Variants in CNTN4 observed in about 807,000 individuals in gnomAD.
CNTN4 encodes the protein contactin 4.
In CNTN4, 77 loss-of-function variants were observed where a neutral mutation model predicts 122.5. The observed-to-expected ratio is 0.63, with a 90% CI of 0.52 to 0.76. The LOEUF (loss-of-function observed/expected upper bound fraction) is 0.76. Among genes scored for constraint, CNTN4 ranks in the 30% least tolerant of loss-of-function variants. The pLI, the probability that CNTN4 is intolerant of heterozygous loss-of-function variation, is 0.00. For missense variants in CNTN4, 1,256 were observed against 1,259.1 expected (o/e 1.00, Z 0.04); for synonymous variants, 512 against 447.0 (o/e 1.15, Z -1.83).
intron 3 of CNTN4, among the ~76,000 whole-genome samples, chr3:2,551,510 G>T (rs1322460877): frequency 6.6e-6 from 1 of 152,034 alleles, no homozygotes; most frequent in Non-Finnish European, 1.5e-5. Flanking sequence ...CCTAAATTAT[G>T]TTAGGATGGG....
intron 3 of CNTN4, among the ~76,000 whole-genome samples, chr3:2,409,983 T>G (rs1454520713): frequency 6.6e-6 from 1 of 152,204 alleles, no homozygotes. Context: ...ACTGGGTCAT[T>G]ATAAAAATTT....
chr3:2,577,972 C>CA (rs1287185176), intron 4 of CNTN4, among the ~76,000 whole-genome samples: 1 of 152,074 alleles, frequency 6.6e-6, no homozygotes, highest in Non-Finnish European at 1.5e-5. Flanking sequence ...GATTTGCTCA[C>CA]AAAATCTATG....
At chr3:2,860,236 C>T (rs1276212069) in intron 7 of CNTN4, among the ~76,000 whole-genome samples, 2 of 152,136 alleles carry the variant, frequency 1.3e-5, no homozygotes, top group African/African-American at 2.4e-5. Context: ...CTTTATGTGC[C>T]AACACAAATT....
chr3:2,143,408 C>T (rs754401146), intron 2 of CNTN4, among the ~76,000 whole-genome samples: 1 of 152,096 alleles, frequency 6.6e-6, no homozygotes, highest in Non-Finnish European at 1.5e-5. Flanking sequence ...ATTTTCACAA[C>T]AACTAAGAAT....
intron 2 of CNTN4, among the ~76,000 whole-genome samples, chr3:2,231,598 TTGC>T (rs1021639124): frequency 2.0e-5 from 3 of 152,110 alleles, no homozygotes; most frequent in African/African-American, 4.8e-5. Context: ...TGAGGAAAAA[TTGC>T]TGCTATAATT....
At chr3:2,322,951 T>G (rs1021313864) in intron 2 of CNTN4, among the ~76,000 whole-genome samples, 6 of 152,130 alleles carry the variant, frequency 3.9e-5, no homozygotes, top group African/African-American at 1.4e-4. Context: ...GATGGAATAC[T>G]GGAGGATTAC....
intron 3 of CNTN4, among the ~76,000 whole-genome samples, chr3:2,473,194 G>C (rs1016377931): frequency 2.7e-5 from 4 of 147,340 alleles, no homozygotes; most frequent in African/African-American, 1.0e-4. Context: ...TCGTGCCACT[G>C]TGCTCCAGCC....
chr3:2,293,045 C>G (rs900821086), intron 2 of CNTN4, among the ~76,000 whole-genome samples: 4 of 152,182 alleles, frequency 2.6e-5, no homozygotes, highest in African/African-American at 9.6e-5. Context: ...TGTCCACATT[C>G]CCACTAACAT....
intron 6 of CNTN4, among the ~76,000 whole-genome samples, chr3:2,786,285 T>C (rs2091825739): frequency 6.6e-6 from 1 of 152,156 alleles, no homozygotes; most frequent in African/African-American, 2.4e-5. Flanking sequence ...GTTTTAACAC[T>C]TAAAGTGTCC....
At chr3:2,227,868 T>G (rs2039344233) in intron 2 of CNTN4, among the ~76,000 whole-genome samples, 1 of 152,138 alleles carries the variant, frequency 6.6e-6, no homozygotes, top group Non-Finnish European at 1.5e-5. Context: ...CAAACCACAG[T>G]TAATTTAGTA....
intron 2 of CNTN4, among the ~76,000 whole-genome samples, chr3:2,241,196 C>G (rs1236629201): frequency 4.6e-5 from 7 of 152,040 alleles, no homozygotes; most frequent in Non-Finnish European, 7.4e-5. Context: ...AAATAGAGCA[C>G]TTAGGTCTAC....
chr3:2,338,715 C>T (rs1383908197), intron 2 of CNTN4, among the ~76,000 whole-genome samples: 1 of 151,984 alleles, frequency 6.6e-6, no homozygotes, highest in East Asian at 1.9e-4. Flanking sequence ...AGAGAATGTA[C>T]AATTTATGTG....
At chr3:2,853,127 C>T (rs2093572724) in intron 7 of CNTN4, among the ~76,000 whole-genome samples, 2 of 150,582 alleles carry the variant, frequency 1.3e-5, no homozygotes, top group Non-Finnish European at 3.0e-5. Context: ...AAAGAAATGA[C>T]AAGGGTTTAT....
intron 7 of CNTN4, among the ~76,000 whole-genome samples, chr3:2,822,361 A>G (rs1055162274): frequency 6.6e-6 from 1 of 152,212 alleles, no homozygotes; most frequent in Non-Finnish European, 1.5e-5. Context: ...TCAAATCCCT[A>G]TTGATTCTAT....
intron 3 of CNTN4, among the ~76,000 whole-genome samples, chr3:2,533,197 A>G (rs1233193215): frequency 3.4e-5 from 5 of 149,190 alleles, no homozygotes; most frequent in Non-Finnish European, 7.4e-5. Context: ...GGTTTGTTTC[A>G]TATGTATACA....
At chr3:2,684,786 G>A (rs2085346256) in intron 4 of CNTN4, among the ~76,000 whole-genome samples, 1 of 152,014 alleles carries the variant, frequency 6.6e-6, no homozygotes. Flanking sequence ...ACAAAAATTT[G>A]TTGCCCATGT....
At chr3:2,427,844 C>T (rs1330987521) in intron 3 of CNTN4, among the ~76,000 whole-genome samples, 1 of 151,836 alleles carries the variant, frequency 6.6e-6, no homozygotes, top group Non-Finnish European at 1.5e-5. Context: ...TTTGTCGCTT[C>T]TGATCTTTGT....
At chr3:2,839,456 G>A (rs1050652730) in intron 7 of CNTN4, among the ~76,000 whole-genome samples, 2 of 151,948 alleles carry the variant, frequency 1.3e-5, no homozygotes, top group Admixed American at 6.6e-5. Flanking sequence ...GAAAGAGGTC[G>A]GATGCTGTTG....
chr3:2,625,940 T>A (rs1210259458), intron 4 of CNTN4, among the ~76,000 whole-genome samples: 1 of 152,210 alleles, frequency 6.6e-6, no homozygotes, highest in African/African-American at 2.4e-5. Flanking sequence ...TCCTGTTCTT[T>A]CACATTCTGG....
Sources: allele counts gnomAD v4.1 joint callset (sites outside exome capture counted in the v4.1 genomes callset), GRCh38; gene constraint gnomAD v4.1.1; transcripts MANE v1.5; gene names NCBI Gene and HGNC (gene_info 2026-07-23, HGNC 2026-07-21).